GSE1: variants seen among roughly 807,000 people sequenced by gnomAD.
GSE1 encodes the protein Gse1 coiled-coil protein.
Under a neutral mutation model 112.6 loss-of-function variants are expected in GSE1, and 32 were observed. The observed-to-expected ratio is 0.28, with a 90% CI of 0.21 to 0.38. GSE1 has a LOEUF of 0.38. Among genes scored for constraint, GSE1 ranks in the 10% least tolerant of loss-of-function variants. GSE1 has a pLI of 1.00. For missense variants in GSE1, 2,348 were observed against 1,699.2 expected (o/e 1.38, Z -6.71); for synonymous variants, 1,115 against 735.6 (o/e 1.52, Z -8.35).
At chr16:85,361,158 A>T (rs997076717) in intron 2 of GSE1, among the ~76,000 whole-genome samples, 1 of 136,776 alleles carries the variant, frequency 7.3e-6, no homozygotes, top group African/African-American at 2.7e-5. Context: ...ACACAGACAC[A>T]CACAGGGGCA....
At chr16:85,537,240 A>C (rs758567503) in intron 2 of GSE1, among the ~76,000 whole-genome samples, 16 of 152,222 alleles carry the variant, frequency 1.1e-4, no homozygotes, top group Non-Finnish European at 1.6e-4. Flanking sequence ...GGCTGTCCCC[A>C]TGACAACAGA....
intron 2 of GSE1, among the ~76,000 whole-genome samples, chr16:85,514,364 AC>A (rs1163374418): frequency 8.2e-6 from 1 of 121,294 alleles, no homozygotes; most frequent in African/African-American, 3.2e-5. Flanking sequence ...TTCGTGGGAC[AC>A]CACCCCCCCA....
chr16:85,444,126 AG>A (rs2049449682), intron 2 of GSE1, among the ~76,000 whole-genome samples: 1 of 151,868 alleles, frequency 6.6e-6, no homozygotes, highest in Admixed American at 6.6e-5. Context: ...ATGGGACTAC[AG>A]GCACATGCCA....
Position 85,647,161 on chromosome 16 carries a change from G to T in GSE1, c.227-1391G>T, listed in dbSNP as rs74034010. Reference sequence around the variant, plus strand: ...CCCCTGCCGCACCTGCAGATGGGCCGGGGCGGCCCTGCCCGTCCATGCCCC... The same window carrying T: ...CCCCTGCCGCACCTGCAGATGGGCCTGGGCGGCCCTGCCCGTCCATGCCCC... On this transcript the variant is annotated intron_variant, in intron 2 of 15. Transcript: ENST00000253458. Among the ~76,000 whole-genome samples the T allele has an allele frequency of 7.1e-3, 1,087 of 152,304 alleles. 12 individuals carry two copies. The highest frequency in any genetic ancestry group is 0.025 in the African/African-American group (1,044 of 41,556).
At position 85,654,848 on chromosome 16, in the gene GSE1, C is replaced by T. The variant is rs1439640653; in HGVS notation, c.654C>T (p.Tyr218=). 4.3e-6 allele frequency: 7 copies of T among 1,612,118 alleles called. No individual in the cohort carries two copies. The highest frequency in any genetic ancestry group is 3.4e-6 in the Non-Finnish European group (4 of 1,179,578). ...VVPPSTVTED[Y]LRSFRPYHTT... The stretch of plus-strand genomic sequence containing the variant: ...CCCCCAGTACCGTGACCGAGGACTA[C>T]CTGAGAAGCTTCCGGCCCTACCACA... The change falls in exon 5 of 16, where the codon TAC becomes TAT. Residue 218 remains tyrosine, a synonymous_variant. Transcript: ENST00000253458.
chr16:85,627,043 C>CTTTTTTT (rs1310553127), intron 1 of GSE1, among the ~76,000 whole-genome samples: 1 of 28,670 alleles, frequency 3.5e-5, no homozygotes, highest in East Asian at 1.3e-3. Flanking sequence ...TTTCTTCTTG[C>CTTTTTTT]CTTTTTTTTT....
At chr16:85,495,341 G>T (rs1416027462) in intron 2 of GSE1, among the ~76,000 whole-genome samples, 1 of 152,106 alleles carries the variant, frequency 6.6e-6, no homozygotes, top group African/African-American at 2.4e-5. Flanking sequence ...TAGCGGCAGC[G>T]TGAGCCCTGC....
Position 85,559,042 on chromosome 16 carries a change from G to A in GSE1, c.37+2679G>A, listed in dbSNP as rs548760286. Among the ~76,000 whole-genome samples, 5 of 152,310 alleles carry A rather than the reference G, an allele frequency of 3.3e-5. No homozygotes were observed. In the South Asian group the frequency reaches 1.0e-3, roughly 32 times the overall value. On this transcript the variant is annotated intron_variant, in intron 1 of 2. Transcript: ENST00000635906. ...CAGGCTAATTTGTGTATTTTTAGTA[G>A]AGATGGGGTTTCGCCATGTTGGCCA...
intron 8 of GSE1, among the ~76,000 whole-genome samples, chr16:85,658,651 G>A (rs1598641551): frequency 6.6e-6 from 1 of 152,318 alleles, no homozygotes. Flanking sequence ...ACACTGCCCG[G>A]CACGGCCGAA....
intron 1 of GSE1, among the ~76,000 whole-genome samples, chr16:85,629,246 A>G (rs956471299): frequency 2.0e-5 from 3 of 152,232 alleles, no homozygotes; most frequent in Non-Finnish European, 4.4e-5. Context: ...GTATTTCTTT[A>G]TAGCAACACA....
At chr16:85,657,886 TC>T (rs1352002468) in intron 8 of GSE1, among the ~76,000 whole-genome samples, 2 of 152,220 alleles carry the variant, frequency 1.3e-5, no homozygotes, top group Non-Finnish European at 2.9e-5. Context: ...CTGACCTAGT[TC>T]CCAGGAGGCC....
chr16:85,572,779 G>C (rs572245477), intron 1 of GSE1, among the ~76,000 whole-genome samples: 3 of 152,310 alleles, frequency 2.0e-5, no homozygotes, highest in Non-Finnish European at 2.9e-5. Flanking sequence ...GTCATTGTGG[G>C]CTTTCTGGAA....
intron 1 of GSE1, among the ~76,000 whole-genome samples, chr16:85,567,626 GC>G (rs1486677095): frequency 6.6e-6 from 1 of 152,258 alleles, no homozygotes; most frequent in Non-Finnish European, 1.5e-5. Context: ...GCCTTTTAGG[GC>G]CTAGCCTCGG....
chr16:85,609,591 T>C (rs1273040487), upstream of GSE1, among the ~76,000 whole-genome samples: 1 of 152,202 alleles, frequency 6.6e-6, no homozygotes, highest in Non-Finnish European at 1.5e-5. Flanking sequence ...GACACCCCTC[T>C]TAGTTCCTGA....
chr16:85,269,439 G>T (rs1018831744), intron 1 of GSE1, among the ~76,000 whole-genome samples: 2 of 122,378 alleles, frequency 1.6e-5, no homozygotes, highest in Non-Finnish European at 3.2e-5. Context: ...TGAGTGTGTG[G>T]GTGTGTGAGT....
In GSE1 at chr16:85,666,223, G is replaced by A; in HGVS notation, c.3006G>A (p.Val1002=). 1.2e-6 allele frequency: 2 copies of A among 1,613,730 alleles called. No homozygotes were observed. Among genetic ancestry groups the A allele is most frequent in the Non-Finnish European group, 1.7e-6 (2 of 1,180,042 alleles). ...IRGAAPKDIP[V]PLSHSTNGKS... is the part of the protein sequence containing the mutation. The stretch of plus-strand genomic sequence containing the variant: ...GCGCTGCACCCAAGGACATTCCTGT[G>A]CCGCTGTCCCACAGCACCAATGGGA... Residue 1002 remains valine (V), a synonymous_variant, in exon 13 of 16, where the codon GTG becomes GTA. Coordinates refer to ENST00000253458, the MANE Select transcript of GSE1 (RefSeq NM_014615.5).
chr16:85,404,684 A>C (rs1456717253), intron 2 of GSE1, among the ~76,000 whole-genome samples: 1 of 40,202 alleles, frequency 2.5e-5, no homozygotes, highest in Non-Finnish European at 4.0e-5. Context: ...CCTCACTGTT[A>C]CACTCAGGCC....
At chr16:85,633,862 C>A in intron 1 of GSE1, 52 bp from the exon 2 acceptor site, 1 of 1,450,352 alleles carries the variant, frequency 6.9e-7, no homozygotes, top group Non-Finnish European at 9.6e-7. Context: ...TGCTCTGGTG[C>A]TGGGCGCTCC....
chr16:85,626,393 C>A (rs2049070788), intron 1 of GSE1, among the ~76,000 whole-genome samples: 2 of 152,264 alleles, frequency 1.3e-5, no homozygotes, highest in South Asian at 4.1e-4. Flanking sequence ...CTCGTTAGGG[C>A]CACGGAAGCT....
Sources: allele counts gnomAD v4.1 joint callset (sites outside exome capture counted in the v4.1 genomes callset), GRCh38; gene constraint gnomAD v4.1.1; transcripts MANE v1.5; gene names NCBI Gene and HGNC (gene_info 2026-07-23, HGNC 2026-07-21).